Variants in DPCD observed in about 807,000 individuals in gnomAD.
The protein encoded by DPCD is protein DPCD.
A neutral mutation model predicts 26.4 loss-of-function variants in DPCD; 20 were observed. The observed-to-expected ratio is 0.76, with a 90% CI of 0.53 to 1.10. DPCD has a LOEUF of 1.10. Among genes scored for constraint, DPCD ranks in the 50% least tolerant of loss-of-function variants. The probability of loss-of-function intolerance (pLI) is 0.00; values close to 1 mark genes in which losing one functional copy is unlikely to be tolerated. For missense variants in DPCD, 202 were observed against 253.9 expected (o/e 0.80, Z 1.39); for synonymous variants, 97 against 94.2 (o/e 1.03, Z -0.17).
At chr10:101,605,276 GTC>G in intron 4 of DPCD, 2 of 1,541,622 alleles carry the variant, frequency 1.3e-6, no homozygotes, top group Non-Finnish European at 1.7e-6. Flanking sequence ...AGCCTCCAGA[GTC>G]TCTCTCCCTC....
intron 2 of DPCD, among the ~76,000 whole-genome samples, chr10:101,595,152 C>G (rs2063641600): frequency 6.6e-6 from 1 of 152,170 alleles, no homozygotes; most frequent in African/African-American, 2.4e-5. Flanking sequence ...AAGCGAGTAT[C>G]AGAGGCAGAG....
chr10:101,592,903 A>G (rs1465346901), intron 1 of DPCD, among the ~76,000 whole-genome samples: 2 of 147,924 alleles, frequency 1.4e-5, no homozygotes, highest in African/African-American at 5.0e-5. Flanking sequence ...AGTCCCAGCT[A>G]CTCAGGAGGC....
chr10:101,600,986 A>T lies in DPCD; in HGVS notation c.270+124A>T, dbSNP rs1250562767. On this transcript the variant is annotated intron_variant, in intron 3 of 5. Coordinates refer to ENST00000370151, the MANE Select transcript of DPCD (RefSeq NM_015448.3). The surrounding 1 kb of genome is among the most constrained non-coding windows in gnomAD (Gnocchi z 4.7). ...CGCCTCCAGTGTGCCACCTGGACACAGCACTCTATAAATGTTTGTTTGAAT... is the reference window on the plus strand; with the variant it reads ...CGCCTCCAGTGTGCCACCTGGACACTGCACTCTATAAATGTTTGTTTGAAT... 6.6e-7 allele frequency: 1 copy of T among 1,510,096 alleles called. No homozygotes were observed. The highest frequency in any genetic ancestry group is 8.9e-7 in the Non-Finnish European group (1 of 1,121,540). The allele number at this position is 1,510,096 out of a possible 1,614,324, so 93.5% of individuals were successfully genotyped here. A position where few individuals can be genotyped will look rare whatever the true frequency, so the allele number is the denominator to read the frequency against.
Position 101,609,628 on chromosome 10 carries a change from T to G in DPCD, c.*157T>G, listed in dbSNP as rs960446702. On this transcript the variant is annotated 3_prime_UTR_variant, in exon 6 of 6. Transcript: ENST00000370151. ...CCTAGCCAGTGAGTCATGGTCATAT[T>G]TCCTGAGTAAAGTCATTCTGAGTTA... The G allele has an allele frequency of 1.6e-6, 1 of 628,114 alleles. No individual in the cohort carries two copies. The highest frequency in any genetic ancestry group is 2.0e-5 in the South Asian group (1 of 49,580). The allele number at this position is 628,114 out of a possible 1,614,324, so 38.9% of individuals were successfully genotyped here.
At chr10:101,589,759 C>T (rs1278823962) in intron 1 of DPCD, among the ~76,000 whole-genome samples, 2 of 152,070 alleles carry the variant, frequency 1.3e-5, no homozygotes, top group Non-Finnish European at 2.9e-5. Context: ...TGGTGCGCAC[C>T]CGTAATTCCA....
chr10:101,601,984 G>A (rs1193528353), intron 4 of DPCD, among the ~76,000 whole-genome samples: 1 of 152,164 alleles, frequency 6.6e-6, no homozygotes, highest in Non-Finnish European at 1.5e-5. Flanking sequence ...TGGCCACAGT[G>A]CATTTCCATT....
intron 1 of DPCD, among the ~76,000 whole-genome samples, chr10:101,591,405 T>C (rs1298988984): frequency 6.6e-6 from 1 of 152,184 alleles, no homozygotes; most frequent in Non-Finnish European, 1.5e-5. Context: ...CAAAATGATA[T>C]TGTTAAGATT....
intron 1 of DPCD, chr10:101,588,662 C>G: frequency 7.8e-7 from 1 of 1,288,340 alleles, no homozygotes; most frequent in East Asian, 3.4e-5. Context: ...CTTTTACATT[C>G]ATTATCTCAT....
intron 4 of DPCD, among the ~76,000 whole-genome samples, chr10:101,602,729 G>A (rs2063706645): frequency 6.6e-6 from 1 of 152,222 alleles, no homozygotes; most frequent in Non-Finnish European, 1.5e-5. Context: ...TGGTGGAAGA[G>A]GCCTTGGGTC....
At chr10:101,594,772 A>G in intron 2 of DPCD, 34 bp downstream of exon 2, 1 of 1,597,100 alleles carries the variant, frequency 6.3e-7, no homozygotes. Flanking sequence ...GGCCTTTAGT[A>G]ATACTTGGGG....
Position 101,603,853 on chromosome 10 carries a change from A to G in DPCD, c.404+2517A>G, listed in dbSNP as rs2063715759. ...CTGTAGCTTTGAACTCCTGGGCTCA[A>G]GGGATCCTCCCGCCTCATCCTCCTG... On this transcript the variant is annotated intron_variant, in intron 4 of 5. Transcript: ENST00000370151. The surrounding 1 kb of genome is among the most constrained non-coding windows in gnomAD (Gnocchi z 4.6). Among the ~76,000 whole-genome samples, 1 of 152,202 alleles carries G rather than the reference A, an allele frequency of 6.6e-6. No individual in the cohort carries two copies. Among genetic ancestry groups the G allele is most frequent in the African/African-American group, 2.4e-5 (1 of 41,454 alleles).
chr10:101,602,448 G>A (rs1281390961), intron 4 of DPCD, among the ~76,000 whole-genome samples: 1 of 152,250 alleles, frequency 6.6e-6, no homozygotes, highest in African/African-American at 2.4e-5. Flanking sequence ...GAGGACAGGG[G>A]AAAGGGTGGA....
At chr10:101,591,556 C>T (rs1378443272) in intron 1 of DPCD, among the ~76,000 whole-genome samples, 2 of 151,888 alleles carry the variant, frequency 1.3e-5, no homozygotes, top group African/African-American at 2.4e-5. Flanking sequence ...AGAATCATGG[C>T]TATTGATATC....
chr10:101,597,404 A>G (rs1230935505), intron 2 of DPCD, among the ~76,000 whole-genome samples: 1 of 152,238 alleles, frequency 6.6e-6, no homozygotes, highest in Non-Finnish European at 1.5e-5. Flanking sequence ...ATCCAGTTGA[A>G]GCTGCAGGGA....
At chr10:101,597,314 C>T (rs979507593) in intron 2 of DPCD, among the ~76,000 whole-genome samples, 5 of 152,240 alleles carry the variant, frequency 3.3e-5, no homozygotes, top group African/African-American at 1.2e-4. Flanking sequence ...CTTCGGCCTC[C>T]TCTGGGATGG....
At position 101,603,303 on chromosome 10, in the gene DPCD, T is replaced by C. The variant is rs1589727869; in HGVS notation, c.404+1967T>C. 6.6e-6 allele frequency among the ~76,000 whole-genome samples: 1 copy of C among 152,238 alleles called. No homozygotes were observed. The highest frequency in any genetic ancestry group is 2.1e-4 in the South Asian group (1 of 4,834). On this transcript the variant is annotated intron_variant, in intron 4 of 5. Transcript: ENST00000370151. The surrounding 1 kb of genome is among the most constrained non-coding windows in gnomAD (Gnocchi z 4.6). The stretch of plus-strand genomic sequence containing the variant: ...TTTTTACCTTCTACCTGGAAGAATG[T>C]ATTTTATACCTTTACTCCCATTAAT...
intron 4 of DPCD, among the ~76,000 whole-genome samples, chr10:101,604,453 A>C (rs532780531): frequency 6.6e-6 from 1 of 152,112 alleles, no homozygotes; most frequent in Non-Finnish European, 1.5e-5. Flanking sequence ...TTCTTTACCC[A>C]TACTTGCCTT....
intron 1 of DPCD, among the ~76,000 whole-genome samples, chr10:101,592,940 G>T (rs2063622178): frequency 6.6e-6 from 1 of 150,830 alleles, no homozygotes; most frequent in African/African-American, 2.4e-5. Flanking sequence ...CTTAAACCCG[G>T]GAGGCAGAGG....
chr10:101,605,840 C>T (rs1460368163), intron 4 of DPCD, among the ~76,000 whole-genome samples: 1 of 152,180 alleles, frequency 6.6e-6, no homozygotes, highest in Non-Finnish European at 1.5e-5. Context: ...GGGGAATTCT[C>T]ACTTTAATAC....
Sources: allele counts gnomAD v4.1 joint callset (sites outside exome capture counted in the v4.1 genomes callset), GRCh38; gene constraint gnomAD v4.1.1; non-coding constraint Gnocchi (gnomAD v3.1); transcripts MANE v1.5; gene names NCBI Gene and HGNC (gene_info 2026-07-23, HGNC 2026-07-21).